The following ARNT variants were observed in gnomAD, a reference collection of about 807,000 sequenced individuals.
The protein encoded by ARNT is class E basic helix-loop-helix protein 2.
ARNT carries 30 observed loss-of-function variants against 105.0 expected under a neutral mutation model. The ratio of observed to expected loss-of-function variants is 0.29; its 90% CI spans 0.21 to 0.39. The LOEUF is 0.39. Ranked by LOEUF, ARNT falls within the 10% of genes least tolerant of loss-of-function variation. ARNT has a pLI of 1.00. For missense variants in ARNT, 748 were observed against 978.7 expected (o/e 0.76, Z 3.15); for synonymous variants, 304 against 344.0 (o/e 0.88, Z 1.29).
intron 7 of ARNT, among the ~76,000 whole-genome samples, chr1:150,835,542 C>T (rs1016170021): frequency 1.3e-5 from 2 of 152,088 alleles, no homozygotes; most frequent in African/African-American, 4.8e-5. Context: ...TTCAAGATTA[C>T]AGTAAGCTAT....
At chr1:150,864,734 C>T (rs1471484967) in intron 1 of ARNT, among the ~76,000 whole-genome samples, 3 of 141,606 alleles carry the variant, frequency 2.1e-5, no homozygotes, top group Non-Finnish European at 4.6e-5. Context: ...GCACAATGTG[C>T]ACATGTACCC....
At chr1:150,876,430 C>A in intron 1 of ARNT, 113 bp downstream of exon 1, 1 of 1,499,310 alleles carries the variant, frequency 6.7e-7, no homozygotes, top group South Asian at 1.3e-5. Flanking sequence ...GCGGCCCCCG[C>A]CCCGCCCCGG....
chr1:150,817,813 CAAAAA>C (rs35672926), intron 15 of ARNT, 102 bp downstream of exon 15: 14 of 685,084 alleles, frequency 2.0e-5, no homozygotes, highest in East Asian at 3.1e-5. Context: ...AACTCCTTCT[CAAAAA>C]AAAAAAAAAA....
At chr1:150,848,287 C>T (rs181352261) in intron 3 of ARNT, among the ~76,000 whole-genome samples, 19 of 152,180 alleles carry the variant, frequency 1.2e-4, no homozygotes, top group African/African-American at 4.6e-4. Flanking sequence ...GAAACCTTGT[C>T]GCTACTAAAA....
chr1:150,820,431 T>C (rs1656803953), intron 14 of ARNT, among the ~76,000 whole-genome samples: 1 of 152,162 alleles, frequency 6.6e-6, no homozygotes, highest in Non-Finnish European at 1.5e-5. Flanking sequence ...GGGAGGACGA[T>C]GGACTGCTTG....
At chr1:150,851,625 A>C (rs1663582477) in intron 3 of ARNT, among the ~76,000 whole-genome samples, 1 of 152,174 alleles carries the variant, frequency 6.6e-6, no homozygotes. Context: ...AGGGCGGTGC[A>C]AGATGTGCTT....
At chr1:150,815,344 CA>C (rs1655606569) in intron 19 of ARNT, among the ~76,000 whole-genome samples, 1 of 141,154 alleles carries the variant, frequency 7.1e-6, no homozygotes, top group Non-Finnish European at 1.5e-5. Context: ...GTCAAGAGAT[CA>C]AGACCATCTT....
At chr1:150,812,526 G>C (rs1479163252) in intron 21 of ARNT, 1 of 157,066 alleles carries the variant, frequency 6.4e-6, no homozygotes, top group African/African-American at 2.4e-5. Flanking sequence ...AGTCCCTCAG[G>C]ACTTGTGTAA....
In ARNT at chr1:150,836,406, A is replaced by G. The variant is rs771882487; in HGVS notation, c.574T>C (p.Ser192Pro). 4 of 1,614,064 alleles carry G rather than the reference A, an allele frequency of 2.5e-6. No homozygotes were observed. The highest frequency in any genetic ancestry group is 3.4e-6 in the Non-Finnish European group (4 of 1,180,028). ...GGCTGGTTCAAAACAGGAGTCACGG[A>G]GTCAGACACATACACCACCCTGCCT... Reference protein sequence around the residue: ...ETGRVVYVSDSVTPVLNQPQS... With the variant: ...ETGRVVYVSDPVTPVLNQPQS... Residue 192 changes from serine (S) to proline (P), a missense_variant, in exon 7 of 22, where the codon TCC (serine) becomes CCC (proline). Around this residue, in one of 4 missense-constraint regions of ARNT, gnomAD observed 291 missense variants for 444.6 expected, o/e 0.65. Transcript: ENST00000358595.
Position 150,813,337 on chromosome 1 carries a change from A to C in ARNT, c.2115T>G (p.Ala705=). 2 of 1,603,616 alleles carry C rather than the reference A, an allele frequency of 1.2e-6. No individual in the cohort carries two copies. Among genetic ancestry groups the C allele is most frequent in the Non-Finnish European group, 1.7e-6 (2 of 1,174,256 alleles). The change falls in exon 21 of 22, where the codon GCT becomes GCG. Residue 705 remains alanine, a splice_region_variant and synonymous_variant. Coordinates refer to ENST00000358595, the MANE Select transcript of ARNT (RefSeq NM_001668.4). ...PSLTNRGSNF[A]PETGQTAGQF... ...GTCCTGCAGTCTGTCCAGTCTCAGG[A>C]GCTAGAAATACAGCAAGGAAGAATA...
intron 14 of ARNT, among the ~76,000 whole-genome samples, chr1:150,821,714 T>C (rs1488211045): frequency 3.3e-5 from 5 of 152,112 alleles, no homozygotes; most frequent in Admixed American, 3.3e-4. Flanking sequence ...AGTGGTGCGA[T>C]CTCAGCTCAC....
intron 5 of ARNT, among the ~76,000 whole-genome samples, 175 bp from the exon 6 acceptor site, chr1:150,839,829 T>A (rs1571322878): frequency 6.6e-6 from 1 of 152,154 alleles, no homozygotes; most frequent in South Asian, 2.1e-4. Context: ...AAAGCAAGCA[T>A]GAAACAGAAC....
At chr1:150,854,996 A>G (rs934781548) in intron 2 of ARNT, among the ~76,000 whole-genome samples, 2 of 151,884 alleles carry the variant, frequency 1.3e-5, no homozygotes. Flanking sequence ...AAGTCTCGCC[A>G]TTTTCCCCAG....
rs1006447694 is a variant in ARNT at position 150,809,987 on chromosome 1, T to C, written c.*2034A>G. ...TTAAAGACACAATGTGCCTTATGTTTGTATGTCTGGAGCTTAAACTATAGA... is the reference window on the plus strand; with the variant it reads ...TTAAAGACACAATGTGCCTTATGTTCGTATGTCTGGAGCTTAAACTATAGA... On this transcript the variant is annotated 3_prime_UTR_variant, in exon 22 of 22. Transcript: ENST00000358595. 3 of 227,714 alleles carry C rather than the reference T, an allele frequency of 1.3e-5. No homozygotes were observed. The highest frequency in any genetic ancestry group is 1.2e-4 in the East Asian group (2 of 16,068). 14.1% of individuals were successfully genotyped at this position (227,714 alleles called of 1,614,324 possible). A position where few individuals can be genotyped will look rare whatever the true frequency, so the allele number is the denominator to read the frequency against.
intron 8 of ARNT, among the ~76,000 whole-genome samples, chr1:150,833,026 C>T (rs1659618566): frequency 2.0e-5 from 3 of 152,156 alleles, no homozygotes; most frequent in Non-Finnish European, 4.4e-5. Context: ...TATATTAATT[C>T]ATCTAATCTT....
intron 1 of ARNT, among the ~76,000 whole-genome samples, chr1:150,866,238 C>T (rs1332319952): frequency 6.7e-6 from 1 of 150,300 alleles, no homozygotes; most frequent in Non-Finnish European, 1.5e-5. Flanking sequence ...CTGCCTCAGC[C>T]TCCCAAAATG....
chr1:150,859,021 T>A (rs1278453003), intron 1 of ARNT, among the ~76,000 whole-genome samples: 2 of 151,910 alleles, frequency 1.3e-5, no homozygotes, highest in Non-Finnish European at 1.5e-5. Flanking sequence ...AAACTTCATG[T>A]TAAAAAGCTT....
At chr1:150,826,664 GA>G in intron 12 of ARNT, 47 bp from the exon 13 acceptor site, 1 of 1,402,712 alleles carries the variant, frequency 7.1e-7, no homozygotes, top group South Asian at 1.2e-5. Flanking sequence ...TTTTTTTTAA[GA>G]TGGAGTTTCG....
intron 1 of ARNT, among the ~76,000 whole-genome samples, chr1:150,871,594 C>A (rs1461150318): frequency 6.7e-6 from 1 of 149,680 alleles, no homozygotes; most frequent in Non-Finnish European, 1.5e-5. Context: ...AGCCACCATG[C>A]CCGGCCAAGG....
Sources: gnomAD v4.1 joint callset for allele counts (sites outside exome capture counted in the v4.1 genomes callset) on GRCh38, gnomAD v4.1.1 for gene constraint, gnomAD v4.1.1 regional missense constraint, MANE v1.5 for transcripts, NCBI Gene and HGNC (gene_info 2026-07-23, HGNC 2026-07-21) for gene names.